The following CNTN4 variants were observed in gnomAD, a reference collection of about 807,000 sequenced individuals.
CNTN4 encodes the protein contactin 4.
A neutral mutation model predicts 122.5 loss-of-function variants in CNTN4; 77 were observed. The observed-to-expected ratio is 0.63, with a 90% CI of 0.52 to 0.76. The LOEUF (loss-of-function observed/expected upper bound fraction) is 0.76, where lower values mean the gene tolerates loss of function less well. Ranked by LOEUF, CNTN4 falls within the 30% of genes least tolerant of loss-of-function variation. The pLI is 0.00. For synonymous variants in CNTN4, 512 were observed against 447.0 expected (o/e 1.15, Z -1.83); for missense variants, 1,256 against 1,259.1 (o/e 1.00, Z 0.04).
At chr3:2,826,523 G>T (rs115553731) in intron 7 of CNTN4, among the ~76,000 whole-genome samples, 1 of 152,322 alleles carries the variant, frequency 6.6e-6, no homozygotes, top group African/African-American at 2.4e-5. Flanking sequence ...AAGCGTGAAA[G>T]TAGGACATCT....
At chr3:2,623,599 A>G (rs1034636390) in intron 4 of CNTN4, among the ~76,000 whole-genome samples, 1 of 152,194 alleles carries the variant, frequency 6.6e-6, no homozygotes, top group Non-Finnish European at 1.5e-5. Context: ...TCAAACTTAT[A>G]TATTAGGAGA....
chr3:2,608,716 C>T (rs763604529), intron 4 of CNTN4, among the ~76,000 whole-genome samples: 92 of 152,182 alleles, frequency 6.0e-4, no homozygotes, highest in Non-Finnish European at 1.0e-3. Context: ...CTCCTGACCT[C>T]GTGATCCACC....
chr3:2,551,671 A>G (rs2078511840), intron 3 of CNTN4, among the ~76,000 whole-genome samples: 1 of 152,202 alleles, frequency 6.6e-6, no homozygotes, highest in African/African-American at 2.4e-5. Context: ...GAAGATTTTA[A>G]GTAATGCAGA....
At chr3:2,107,100 C>T (rs1160170611) in intron 2 of CNTN4, among the ~76,000 whole-genome samples, 1 of 152,194 alleles carries the variant, frequency 6.6e-6, no homozygotes, top group Non-Finnish European at 1.5e-5. Flanking sequence ...CTTCTGAGTC[C>T]TCCAAGTCTC....
intron 2 of CNTN4, among the ~76,000 whole-genome samples, chr3:2,292,066 G>A (rs1259651602): frequency 1.3e-5 from 2 of 152,138 alleles, no homozygotes; most frequent in Non-Finnish European, 2.9e-5. Flanking sequence ...ATTTTTTACA[G>A]TAAGTAAAAT....
chr3:2,682,985 C>A (rs1056979298), intron 4 of CNTN4, among the ~76,000 whole-genome samples: 1 of 152,072 alleles, frequency 6.6e-6, no homozygotes, highest in African/African-American at 2.4e-5. Context: ...CAGACCATAC[C>A]AATCACTGAC....
At chr3:2,527,409 A>ATGC (rs34099392) in intron 3 of CNTN4, among the ~76,000 whole-genome samples, 305 of 150,016 alleles carry the variant, frequency 2.0e-3, no homozygotes, top group Middle Eastern at 0.017. Flanking sequence ...GGAACAATGT[A>ATGC]TGCTGCTGCT....
intron 3 of CNTN4, among the ~76,000 whole-genome samples, chr3:2,363,371 C>T (rs757819522): frequency 8.5e-5 from 13 of 152,200 alleles, no homozygotes; most frequent in Admixed American, 2.6e-4. Context: ...AACCAGGTCT[C>T]AGAAGTTCTA....
At chr3:2,636,460 C>A (rs757134291) in intron 4 of CNTN4, among the ~76,000 whole-genome samples, 1 of 152,076 alleles carries the variant, frequency 6.6e-6, no homozygotes, top group Non-Finnish European at 1.5e-5. Context: ...GGAAAAAAAC[C>A]CAGGAATTAT....
chr3:2,866,336 TA>T (rs1193357104), intron 7 of CNTN4: 7 of 281,202 alleles, frequency 2.5e-5, no homozygotes, highest in Admixed American at 1.1e-4. Flanking sequence ...TTATTATCTA[TA>T]AAACAAAAGA....
chr3:2,259,766 A>T (rs111415533), intron 2 of CNTN4, among the ~76,000 whole-genome samples: 1 of 152,164 alleles, frequency 6.6e-6, no homozygotes, highest in Non-Finnish European at 1.5e-5. Flanking sequence ...GGGAGCTACA[A>T]TTCAAGATGA....
chr3:2,695,109 T>C (rs1410185681), intron 4 of CNTN4, among the ~76,000 whole-genome samples: 1 of 152,208 alleles, frequency 6.6e-6, no homozygotes, highest in African/African-American at 2.4e-5. Flanking sequence ...AAAAAGCACC[T>C]GTCCTGGTGT....
intron 2 of CNTN4, among the ~76,000 whole-genome samples, chr3:2,149,047 T>C (rs2035380358): frequency 6.6e-6 from 1 of 152,100 alleles, no homozygotes; most frequent in Non-Finnish European, 1.5e-5. Context: ...AAACTTTCTT[T>C]AATTGTATCG....
chr3:2,295,844 T>A, intron 2 of CNTN4, among the ~76,000 whole-genome samples: 1 of 152,210 alleles, frequency 6.6e-6, no homozygotes. Context: ...CATCTTGAAT[T>A]AATTTTTGAA....
intron 3 of CNTN4, among the ~76,000 whole-genome samples, chr3:2,517,057 C>G (rs988436195): frequency 6.6e-6 from 1 of 152,172 alleles, no homozygotes; most frequent in Admixed American, 6.6e-5. Context: ...AGTGTAAGGA[C>G]ATTGGGACTA....
rs543021161 is a variant in CNTN4, at chr3:2,790,831, C to A, written c.359-28655C>A. On this transcript the variant is annotated intron_variant, in intron 6 of 24. Coordinates refer to ENST00000418658, the MANE Select transcript of CNTN4 (RefSeq NM_175607.3). Reference sequence around the variant, plus strand: ...AAGGAAAATGATCTTATTTTTTATGCAAATCTTGCACATAAAATTGATAAG... The same window carrying A: ...AAGGAAAATGATCTTATTTTTTATGAAAATCTTGCACATAAAATTGATAAG... Among the ~76,000 whole-genome samples the A allele has an allele frequency of 7.2e-5, 11 of 152,218 alleles. No homozygotes were observed. The South Asian group carries it at 2.1e-3, about 29-fold the overall frequency.
At chr3:2,291,859 G>C (rs562997679) in intron 2 of CNTN4, among the ~76,000 whole-genome samples, 8 of 151,940 alleles carry the variant, frequency 5.3e-5, no homozygotes, top group Non-Finnish European at 1.0e-4. Flanking sequence ...TCTGCCTCCC[G>C]AGTAGCTGGG....
intron 3 of CNTN4, among the ~76,000 whole-genome samples, chr3:2,449,537 C>A (rs531224134): frequency 5.8e-4 from 88 of 151,434 alleles, no homozygotes; most frequent in Non-Finnish European, 9.7e-4. Flanking sequence ...ACTGCTTGAA[C>A]CCAGGAGGCG....
intron 2 of CNTN4, among the ~76,000 whole-genome samples, chr3:2,306,914 A>G (rs2042729829): frequency 6.6e-6 from 1 of 151,960 alleles, no homozygotes; most frequent in African/African-American, 2.4e-5. Flanking sequence ...TCATGTTTGA[A>G]TTGCTCATTG....
Sources: gnomAD v4.1 joint callset for allele counts (sites outside exome capture counted in the v4.1 genomes callset) on GRCh38, gnomAD v4.1.1 for gene constraint, MANE v1.5 for transcripts, NCBI Gene and HGNC (gene_info 2026-07-23, HGNC 2026-07-21) for gene names.